Variants in GALNTL6 observed in about 807,000 individuals in gnomAD.
GALNTL6 encodes the protein polypeptide N-acetylgalactosaminyltransferase like 6, also known as polypeptide N-acetylgalactosaminyltransferase-like 6.
GALNTL6 carries 46 observed loss-of-function variants against 73.7 expected under a neutral mutation model. That is an observed-to-expected ratio of 0.62 (90% CI 0.49 to 0.80). The LOEUF is 0.80. Among genes scored for constraint, GALNTL6 ranks in the 30% least tolerant of loss-of-function variants. GALNTL6 has a pLI of 0.00. For missense variants in GALNTL6, 604 were observed against 755.0 expected (o/e 0.80, Z 2.34); for synonymous variants, 259 against 263.7 (o/e 0.98, Z 0.17).
intron 5 of GALNTL6, among the ~76,000 whole-genome samples, chr4:172,352,404 G>C (rs965236460): frequency 1.2e-4 from 19 of 152,110 alleles, no homozygotes; most frequent in Admixed American, 1.1e-3. Context: ...GCTATCTGAA[G>C]CTTACCAAAG....
Position 172,598,060 on chromosome 4 carries a change from C to T in GALNTL6, c.554-211301C>T, listed in dbSNP as rs142706436. Reference sequence around the variant, plus strand: ...ACTGGATCTGTCACGACATCACCACCTTTGGTATTTAGGAACCTAAGGCAA... The same window carrying T: ...ACTGGATCTGTCACGACATCACCACTTTTGGTATTTAGGAACCTAAGGCAA... On this transcript the variant is annotated intron_variant, in intron 5 of 12. Coordinates refer to ENST00000506823, the MANE Select transcript of GALNTL6 (RefSeq NM_001034845.3). 1.0e-3 allele frequency among the ~76,000 whole-genome samples: 153 copies of T among 152,164 alleles called. 1 individual carries two copies. Among genetic ancestry groups the T allele is most frequent in the African/African-American group, 3.4e-3 (140 of 41,530 alleles).
At chr4:172,156,083 GATGGGCTGAGGCCTAAA>G (rs766351485) in intron 2 of GALNTL6, among the ~76,000 whole-genome samples, 45 of 151,032 alleles carry the variant, frequency 3.0e-4, no homozygotes, top group Admixed American at 2.0e-3. Context: ...CCTGGGTGCA[GATGGGCTGAGGCCTAAA>G]ATGGCGTCAG....
chr4:172,665,229 C>T (rs751387583), intron 5 of GALNTL6, among the ~76,000 whole-genome samples: 10 of 152,114 alleles, frequency 6.6e-5, no homozygotes, highest in African/African-American at 1.2e-4. Flanking sequence ...CAGCTGTATC[C>T]ATCGGATTAG....
intron 3 of GALNTL6, among the ~76,000 whole-genome samples, chr4:172,270,471 C>T (rs181556209): frequency 5.3e-5 from 8 of 152,258 alleles, no homozygotes; most frequent in Non-Finnish European, 8.8e-5. Flanking sequence ...GCCAGGTACA[C>T]CTCATCTATC....
chr4:172,019,263 C>T (rs1021298575), intron 2 of GALNTL6, among the ~76,000 whole-genome samples: 7 of 152,138 alleles, frequency 4.6e-5, no homozygotes, highest in African/African-American at 1.7e-4. Flanking sequence ...TATCCAACAT[C>T]TTCCTCCTGT....
At chr4:172,247,840 G>A (rs896010827) in intron 3 of GALNTL6, among the ~76,000 whole-genome samples, 3 of 151,816 alleles carry the variant, frequency 2.0e-5, no homozygotes, top group Non-Finnish European at 4.4e-5. Context: ...AATTTAAATT[G>A]TATTTAGTTT....
chr4:172,109,554 G>A (rs1455744086), intron 2 of GALNTL6, among the ~76,000 whole-genome samples: 3 of 152,192 alleles, frequency 2.0e-5, no homozygotes, highest in Non-Finnish European at 4.4e-5. Flanking sequence ...CAGTTGTAAA[G>A]TTGTGAATAA....
At chr4:172,705,390 CAA>C (rs1305957457) in intron 5 of GALNTL6, among the ~76,000 whole-genome samples, 1 of 149,774 alleles carries the variant, frequency 6.7e-6, no homozygotes, top group African/African-American at 2.5e-5. Flanking sequence ...ATGTTTTTAA[CAA>C]AGTTATTTTA....
chr4:172,566,598 A>G (rs1405006866), intron 5 of GALNTL6, among the ~76,000 whole-genome samples: 2 of 152,110 alleles, frequency 1.3e-5, no homozygotes, highest in Non-Finnish European at 2.9e-5. Flanking sequence ...TCTCAAATAA[A>G]CAACATAACT....
At chr4:172,380,188 C>T in intron 5 of GALNTL6, 1 of 1,019,556 alleles carries the variant, frequency 9.8e-7, no homozygotes, top group Non-Finnish European at 1.6e-6. Flanking sequence ...CTGTGCGGAT[C>T]TGCAGGGCTG....
At chr4:172,570,689 C>A (rs187307397) in intron 5 of GALNTL6, among the ~76,000 whole-genome samples, 2 of 151,882 alleles carry the variant, frequency 1.3e-5, no homozygotes, top group Non-Finnish European at 2.9e-5. Context: ...GGGGGTGGTG[C>A]GGGGATGGTT....
intron 5 of GALNTL6, among the ~76,000 whole-genome samples, chr4:172,723,173 C>A (rs985111028): frequency 2.6e-5 from 4 of 152,278 alleles, no homozygotes; most frequent in South Asian, 4.1e-4. Flanking sequence ...TAGGTTGGGA[C>A]TACCCAGATA....
At chr4:172,162,335 G>T (rs1486860062) in intron 2 of GALNTL6, among the ~76,000 whole-genome samples, 3 of 151,812 alleles carry the variant, frequency 2.0e-5, no homozygotes, top group Non-Finnish European at 4.4e-5. Flanking sequence ...TGTGAAATTA[G>T]CAGTAATGGG....
intron 2 of GALNTL6, among the ~76,000 whole-genome samples, chr4:172,041,447 A>G (rs1742083912): frequency 6.6e-6 from 1 of 152,088 alleles, no homozygotes; most frequent in South Asian, 2.1e-4. Context: ...GCTGAATCTG[A>G]AAGACTGTTC....
intron 2 of GALNTL6, among the ~76,000 whole-genome samples, chr4:171,917,979 G>A (rs1737675798): frequency 6.6e-6 from 1 of 152,000 alleles, no homozygotes; most frequent in Admixed American, 6.6e-5. Flanking sequence ...ATCACCAAAA[G>A]CATCCAAACA....
chr4:172,446,555 G>A lies in GALNTL6; in HGVS notation c.553+97866G>A, dbSNP rs573483124. Among the ~76,000 whole-genome samples, 47 of 152,222 alleles carry A rather than the reference G, an allele frequency of 3.1e-4. 1 individual carries two copies. In the South Asian group the frequency reaches 9.5e-3, roughly 31 times the overall value. Reference sequence around the variant, plus strand: ...GCATATATAAAAGTTTCATCATAAAGCCCATGCTAAATCTTGCAAGAAACA... The same window carrying A: ...GCATATATAAAAGTTTCATCATAAAACCCATGCTAAATCTTGCAAGAAACA... On this transcript the variant is annotated intron_variant, in intron 5 of 12. Coordinates refer to ENST00000506823, the MANE Select transcript of GALNTL6 (RefSeq NM_001034845.3).
chr4:172,606,703 T>TATATATATA (rs1489946443), intron 5 of GALNTL6, among the ~76,000 whole-genome samples: 2 of 109,978 alleles, frequency 1.8e-5, no homozygotes, highest in African/African-American at 3.3e-5. Flanking sequence ...ATATATAGTG[T>TATATATATA]GTATATATAT....
At chr4:172,532,316 A>C (rs1735195652) in intron 5 of GALNTL6, among the ~76,000 whole-genome samples, 2 of 152,210 alleles carry the variant, frequency 1.3e-5, no homozygotes, top group Admixed American at 1.3e-4. Context: ...ATAGAAGCAG[A>C]GATTGACTAG....
Position 172,461,161 on chromosome 4 carries a change from G to C in GALNTL6, c.553+112472G>C, listed in dbSNP as rs1202323350. 2.0e-5 allele frequency among the ~76,000 whole-genome samples: 3 copies of C among 151,170 alleles called. No homozygotes were observed. In the East Asian group the frequency reaches 5.9e-4, roughly 30 times the overall value. ...ATGTTATCACTTATAAATGGGAGTT[G>C]AACAATGAGAACACATGGACACAGG... is the stretch of plus-strand genomic sequence containing the variant. On this transcript the variant is annotated intron_variant, in intron 5 of 12. Coordinates refer to ENST00000506823, the MANE Select transcript of GALNTL6 (RefSeq NM_001034845.3).
Sources: gnomAD v4.1 joint callset for allele counts (sites outside exome capture counted in the v4.1 genomes callset) on GRCh38, gnomAD v4.1.1 for gene constraint, MANE v1.5 for transcripts, NCBI Gene and HGNC (gene_info 2026-07-23, HGNC 2026-07-21) for gene names.